The following NRXN3 variants were observed in gnomAD, a reference collection of about 807,000 sequenced individuals.
NRXN3 encodes neurexin III.
In NRXN3, 32 loss-of-function variants were observed where a neutral mutation model predicts 137.6. The observed-to-expected ratio is 0.23, with a 90% CI of 0.18 to 0.31. The LOEUF (loss-of-function observed/expected upper bound fraction) is 0.31. NRXN3 is among the 10% of genes least tolerant of loss of function. NRXN3 has a pLI of 1.00. For missense variants in NRXN3, 1,574 were observed against 2,062.5 expected, an observed-to-expected ratio of 0.76 and a Z score of 4.59; for synonymous variants, 798 against 784.5, an observed-to-expected ratio of 1.02 and a Z score of -0.29.
At chr14:79,782,703 G>C (rs1193482158) in intron 19 of NRXN3, among the ~76,000 whole-genome samples, 2 of 152,206 alleles carry the variant, frequency 1.3e-5, no homozygotes, top group Non-Finnish European at 2.9e-5. Flanking sequence ...GCCTAGGAGT[G>C]CTAAAGAGCT....
At chr14:79,574,152 A>G (rs1237090912) in intron 16 of NRXN3, among the ~76,000 whole-genome samples, 1 of 152,070 alleles carries the variant, frequency 6.6e-6, no homozygotes, top group Non-Finnish European at 1.5e-5. Flanking sequence ...ATATGATTGT[A>G]TTCTATCAAC....
At chr14:79,423,079 C>T in intron 15 of NRXN3, among the ~76,000 whole-genome samples, 1 of 152,110 alleles carries the variant, frequency 6.6e-6, no homozygotes, top group East Asian at 1.9e-4. Flanking sequence ...GGAGGTGCTT[C>T]AGTCAGTTAG....
At chr14:78,936,058 A>G (rs2099337553) in intron 10 of NRXN3, among the ~76,000 whole-genome samples, 1 of 152,142 alleles carries the variant, frequency 6.6e-6, no homozygotes, top group Non-Finnish European at 1.5e-5. Context: ...CACCTTTCCC[A>G]AGATTCATCA....
chr14:79,525,969 AC>A (rs1232099112), intron 16 of NRXN3, among the ~76,000 whole-genome samples: 2 of 151,932 alleles, frequency 1.3e-5, no homozygotes, highest in Non-Finnish European at 2.9e-5. Context: ...GCAGCTTCTG[AC>A]CCCTGGGCTC....
At chr14:79,063,911 A>T (rs1170516000) in intron 15 of NRXN3, among the ~76,000 whole-genome samples, 1 of 152,190 alleles carries the variant, frequency 6.6e-6, no homozygotes. Context: ...AAGAGAATGC[A>T]TATGATCTTT....
chr14:78,962,556 A>G (rs2099410145), intron 11 of NRXN3, among the ~76,000 whole-genome samples: 1 of 152,228 alleles, frequency 6.6e-6, no homozygotes, highest in African/African-American at 2.4e-5. Flanking sequence ...CATAGATTAA[A>G]AAAAAAATAT....
intron 6 of NRXN3, among the ~76,000 whole-genome samples, chr14:78,690,915 T>C (rs2098165022): frequency 6.6e-6 from 1 of 152,170 alleles, no homozygotes; most frequent in Non-Finnish European, 1.5e-5. Flanking sequence ...GAAGTAAAGA[T>C]GTGTTAGTGA....
chr14:78,944,065 A>G (rs2099360543), intron 10 of NRXN3, among the ~76,000 whole-genome samples: 1 of 152,132 alleles, frequency 6.6e-6, no homozygotes, highest in Admixed American at 6.5e-5. Flanking sequence ...GTTGAAGAAT[A>G]GAGATTGGCC....
intron 15 of NRXN3, among the ~76,000 whole-genome samples, chr14:79,162,577 A>G (rs1221492087): frequency 6.6e-6 from 1 of 151,860 alleles, no homozygotes; most frequent in Non-Finnish European, 1.5e-5. Context: ...ACATTTATGC[A>G]GCCAAAAAAC....
At chr14:78,731,850 A>T (rs1454617645) in intron 8 of NRXN3, among the ~76,000 whole-genome samples, 1 of 125,710 alleles carries the variant, frequency 8.0e-6, no homozygotes, top group Non-Finnish European at 1.8e-5. Context: ...GTGTTATATG[A>T]TCTTTGTCTC....
chr14:78,582,418 C>T (rs969998728), intron 4 of NRXN3, among the ~76,000 whole-genome samples: 3 of 152,204 alleles, frequency 2.0e-5, no homozygotes, highest in African/African-American at 4.8e-5. Flanking sequence ...AGAATAGCTA[C>T]TGTGGTTTGA....
rs927570163 is a variant in NRXN3, at chr14:78,215,714, G to A, written c.-703-26677G>A. 1.6e-4 allele frequency among the ~76,000 whole-genome samples: 23 copies of A among 141,306 alleles called. No individual in the cohort carries two copies. The East Asian group carries it at 2.8e-3, about 17-fold the overall frequency. 92.7% of individuals were successfully genotyped at this position (141,306 alleles called of 152,430 possible). ...CACAGCTGTTTCCTGCCGCTGCTTT[G>A]TTGGTGCTGGGAAGTTTCGTTTGTG... On this transcript the variant is annotated intron_variant, in intron 1 of 20. Coordinates refer to ENST00000335750, the MANE Select transcript of NRXN3 (RefSeq NM_001330195.2).
chr14:79,743,622 A>C (rs1402296863), intron 19 of NRXN3, among the ~76,000 whole-genome samples: 2 of 152,184 alleles, frequency 1.3e-5, no homozygotes, highest in Admixed American at 1.3e-4. Context: ...CCATACTTTG[A>C]GAAACACTTT....
chr14:78,477,292 C>G (rs2095396662), intron 4 of NRXN3, among the ~76,000 whole-genome samples: 1 of 152,206 alleles, frequency 6.6e-6, no homozygotes, highest in Admixed American at 6.5e-5. Flanking sequence ...TCATGCCTCT[C>G]TGAAGTATTA....
At chr14:78,630,964 C>T (rs1013843607) in intron 4 of NRXN3, among the ~76,000 whole-genome samples, 2 of 152,122 alleles carry the variant, frequency 1.3e-5, no homozygotes, top group Non-Finnish European at 2.9e-5. Flanking sequence ...GCTTGGGGAT[C>T]AATAGTTGAA....
Position 79,082,176 on chromosome 14 carries a change from A to T in NRXN3, c.3262+94035A>T, listed in dbSNP as rs575367347. On this transcript the variant is annotated intron_variant, in intron 15 of 20. Coordinates refer to ENST00000335750, the MANE Select transcript of NRXN3 (RefSeq NM_001330195.2). ...CTATACATATATACATCTATATATC[A>T]CATGTTTCAAGAAGCTGTTTTCTAC... Among the ~76,000 whole-genome samples the T allele has an allele frequency of 2.6e-5, 4 of 152,162 alleles. No individual in the cohort carries two copies. The South Asian group carries it at 8.3e-4, about 32-fold the overall frequency.
chr14:78,605,807 G>A (rs2097246680), intron 4 of NRXN3, among the ~76,000 whole-genome samples: 1 of 152,124 alleles, frequency 6.6e-6, no homozygotes, highest in Admixed American at 6.5e-5. Context: ...GTTTTCATTG[G>A]TGTACAAAGC....
chr14:78,750,390 A>T (rs867092728), intron 8 of NRXN3, among the ~76,000 whole-genome samples: 6 of 152,224 alleles, frequency 3.9e-5, no homozygotes, highest in African/African-American at 1.4e-4. Context: ...GTAGGAGAGT[A>T]GGTGATCTTG....
chr14:79,036,044 GA>G (rs1236443301), intron 15 of NRXN3, among the ~76,000 whole-genome samples: 1 of 151,960 alleles, frequency 6.6e-6, no homozygotes, highest in African/African-American at 2.4e-5. Flanking sequence ...CTTTCTTCTT[GA>G]AATCAGAAAA....
Sources: gnomAD v4.1 joint callset for allele counts (sites outside exome capture counted in the v4.1 genomes callset) on GRCh38, gnomAD v4.1.1 for gene constraint, MANE v1.5 for transcripts, NCBI Gene and HGNC (gene_info 2026-07-23, HGNC 2026-07-21) for gene names.